Variants in DPP10 observed in about 807,000 individuals in gnomAD.
The protein encoded by DPP10 is dipeptidyl peptidase like 10, also known as inactive dipeptidyl peptidase 10.
DPP10 carries 33 observed loss-of-function variants against 120.9 expected under a neutral mutation model. That is an observed-to-expected ratio of 0.27 (90% confidence interval 0.21 to 0.37). The LOEUF (loss-of-function observed/expected upper bound fraction) is 0.37. DPP10 is among the 10% of genes least tolerant of loss of function. The pLI, the probability that DPP10 is intolerant of heterozygous loss-of-function variation, is 1.00. For synonymous variants in DPP10, 337 were observed against 326.1 expected (o/e 1.03, Z -0.36); for missense variants, 816 against 942.8 (o/e 0.87, Z 1.76).
At chr2:115,229,966 C>G (rs368462486) in intron 1 of DPP10, among the ~76,000 whole-genome samples, 1 of 150,310 alleles carries the variant, frequency 6.7e-6, no homozygotes, top group African/African-American at 2.4e-5. Context: ...GAATGGCATT[C>G]GTATTTTGAT....
rs191559815 is a variant in DPP10 at position 115,332,296 on chromosome 2, G to A, written c.176-11521G>A. 1.0e-3 allele frequency among the ~76,000 whole-genome samples: 159 copies of A among 151,718 alleles called. 2 individuals carry two copies. Among genetic ancestry groups the A allele is most frequent in the Admixed American group, 8.7e-3 (132 of 15,200 alleles). On this transcript the variant is annotated intron_variant, in intron 2 of 25. Coordinates refer to ENST00000410059, the MANE Select transcript of DPP10 (RefSeq NM_020868.6). ...TCCCCTTTATCATTTTTTATTGTGC[G>A]TATTTTATTCTTCTCTCTTTACTTC...
chr2:114,753,562 A>G (rs1490893303), intron 1 of DPP10, among the ~76,000 whole-genome samples: 1 of 152,094 alleles, frequency 6.6e-6, no homozygotes, highest in Non-Finnish European at 1.5e-5. Flanking sequence ...ATGATAAAAT[A>G]TGTTATATTG....
chr2:115,747,372 G>A (rs1403835491), intron 10 of DPP10, among the ~76,000 whole-genome samples: 1 of 152,158 alleles, frequency 6.6e-6, no homozygotes, highest in Non-Finnish European at 1.5e-5. Flanking sequence ...TTCTGAGCTT[G>A]ATCTAGCAGC....
At chr2:114,564,690 A>C (rs1025548786) in intron 1 of DPP10, among the ~76,000 whole-genome samples, 2 of 152,166 alleles carry the variant, frequency 1.3e-5, no homozygotes, top group African/African-American at 4.8e-5. Flanking sequence ...GAAAAGGAAA[A>C]AAAATTGGGG....
intron 1 of DPP10, among the ~76,000 whole-genome samples, chr2:115,178,221 T>C (rs1003017892): frequency 3.9e-5 from 6 of 152,086 alleles, no homozygotes; most frequent in South Asian, 2.1e-4. Flanking sequence ...GGAAGAGCCA[T>C]GCTCTCCACA....
chr2:114,815,571 A>T (rs1685573358), intron 1 of DPP10, among the ~76,000 whole-genome samples: 1 of 152,234 alleles, frequency 6.6e-6, no homozygotes, highest in East Asian at 1.9e-4. Context: ...GGACAAAATT[A>T]ATAGGAGCAA....
At chr2:114,546,636 C>A (rs1407327980) in intron 1 of DPP10, among the ~76,000 whole-genome samples, 2 of 152,162 alleles carry the variant, frequency 1.3e-5, no homozygotes, top group African/African-American at 4.8e-5. Context: ...TCAAGCCATA[C>A]TACTCAATTT....
intron 3 of DPP10, among the ~76,000 whole-genome samples, chr2:115,430,832 C>G (rs1199529986): frequency 6.6e-6 from 1 of 152,030 alleles, no homozygotes; most frequent in Non-Finnish European, 1.5e-5. Flanking sequence ...ACTGCTCACT[C>G]GACTCCTACA....
At chr2:114,739,671 AAG>A (rs965450572) in intron 1 of DPP10, among the ~76,000 whole-genome samples, 2 of 152,160 alleles carry the variant, frequency 1.3e-5, no homozygotes, top group Non-Finnish European at 2.9e-5. Flanking sequence ...ACACAAAAAA[AAG>A]AGAGAAAGAT....
intron 5 of DPP10, among the ~76,000 whole-genome samples, chr2:115,668,174 A>T (rs942574654): frequency 1.3e-5 from 2 of 152,044 alleles, no homozygotes; most frequent in African/African-American, 4.8e-5. Context: ...GCCCTTTATT[A>T]TAGGGAGTTG....
At chr2:114,863,519 A>G (rs1243548842) in intron 1 of DPP10, among the ~76,000 whole-genome samples, 1 of 152,034 alleles carries the variant, frequency 6.6e-6, no homozygotes, top group African/African-American at 2.4e-5. Flanking sequence ...TCCATTCTCC[A>G]CTACCAGATC....
chr2:115,088,185 C>T (rs1573563793), intron 1 of DPP10, among the ~76,000 whole-genome samples: 1 of 152,128 alleles, frequency 6.6e-6, no homozygotes, highest in South Asian at 2.1e-4. Context: ...ACCTAATCAC[C>T]TCCTAAAGGC....
chr2:114,549,825 C>A (rs1687739044), intron 1 of DPP10, among the ~76,000 whole-genome samples: 1 of 152,136 alleles, frequency 6.6e-6, no homozygotes, highest in African/African-American at 2.4e-5. Flanking sequence ...CCCAAAGGCT[C>A]TGAGAGCTGG....
At chr2:115,149,704 T>C (rs2051428329) in intron 1 of DPP10, among the ~76,000 whole-genome samples, 1 of 152,220 alleles carries the variant, frequency 6.6e-6, no homozygotes, top group Admixed American at 6.5e-5. Context: ...GTTTGTTTGT[T>C]TGTTTGTTTT....
At chr2:115,144,726 T>C (rs1432621896) in intron 1 of DPP10, 1 of 149,286 alleles carries the variant, frequency 6.7e-6, no homozygotes, top group Non-Finnish European at 1.5e-5. Flanking sequence ...AATGACGAGT[T>C]AATGGGTGCA....
intron 1 of DPP10, among the ~76,000 whole-genome samples, chr2:115,144,678 G>T: frequency 9.4e-6 from 1 of 106,276 alleles, no homozygotes; most frequent in African/African-American, 3.7e-5. Flanking sequence ...GGTGGGGGGC[G>T]GGGGGAGGGA....
chr2:114,564,695 T>A lies in DPP10; in HGVS notation c.60+121857T>A, dbSNP rs370949932. On this transcript the variant is annotated intron_variant, in intron 1 of 25. Coordinates refer to ENST00000410059, the MANE Select transcript of DPP10 (RefSeq NM_020868.6). ...AAATAGAGGAGAAAAGGAAAAAAAA[T>A]TGGGGAGAAATGAGGTAGATGAGTG... Among the ~76,000 whole-genome samples, 6 of 151,510 alleles carry A rather than the reference T, an allele frequency of 4.0e-5. 1 individual carries two copies. The highest frequency in any genetic ancestry group is 4.4e-5 in the Non-Finnish European group (3 of 67,846).
At chr2:115,689,115 A>C (rs2091169722) in intron 5 of DPP10, among the ~76,000 whole-genome samples, 1 of 152,206 alleles carries the variant, frequency 6.6e-6, no homozygotes, top group Non-Finnish European at 1.5e-5. Context: ...CTACAGAGTG[A>C]GATGTGTCCT....
intron 3 of DPP10, 136 bp from the exon 4 acceptor site, chr2:115,499,374 A>G: frequency 3.1e-6 from 2 of 635,218 alleles, no homozygotes; most frequent in Non-Finnish European, 5.3e-6. Context: ...TGCCAAGTAC[A>G]GAAATCTGCT....
Sources: allele counts gnomAD v4.1 joint callset (sites outside exome capture counted in the v4.1 genomes callset), GRCh38; gene constraint gnomAD v4.1.1; transcripts MANE v1.5; gene names NCBI Gene and HGNC (gene_info 2026-07-23, HGNC 2026-07-21).